The following ZNF493 variants were observed in gnomAD, a reference collection of about 807,000 sequenced individuals.
The protein encoded by ZNF493 is zinc finger protein 493.
A neutral mutation model predicts 12.2 loss-of-function variants in ZNF493; 11 were observed. That is an observed-to-expected ratio of 0.90 (90% confidence interval 0.57 to 1.50). The LOEUF (loss-of-function observed/expected upper bound fraction) is 1.50, where lower values mean the gene tolerates loss of function less well. Among genes scored for constraint, ZNF493 ranks in the 40% most tolerant of loss-of-function variants. The pLI, the probability that ZNF493 is intolerant of heterozygous loss-of-function variation, is 0.00. For missense variants in ZNF493, 950 were observed against 906.6 expected, an observed-to-expected ratio of 1.05 and a Z score of -0.61; for synonymous variants, 286 against 302.6, an observed-to-expected ratio of 0.95 and a Z score of 0.57.
intron 1 of ZNF493, among the ~76,000 whole-genome samples, chr19:21,399,378 T>C (rs1485867767): frequency 6.6e-6 from 1 of 151,928 alleles, no homozygotes; most frequent in Non-Finnish European, 1.5e-5. Context: ...GGCAGGCTGG[T>C]CTCAATCTCC....
Position 21,427,423 on chromosome 19 carries a change from A to G in ZNF493, c.*2439A>G, listed in dbSNP as rs902916550. On this transcript the variant is annotated 3_prime_UTR_variant, in exon 4 of 4. Transcript: ENST00000392288. ...CATCTAGCATTAGGTATATCTCCCA[A>G]TGCTATCCGTCCCCCCTCCCCCCAA... 2.0e-5 allele frequency: 3 copies of G among 152,656 alleles called. No homozygotes were observed. The highest frequency in any genetic ancestry group is 7.2e-5 in the African/African-American group (3 of 41,438). 9.5% of individuals were successfully genotyped at this position (152,656 alleles called of 1,614,324 possible).
intron 3 of ZNF493, among the ~76,000 whole-genome samples, chr19:21,417,170 G>A (rs1177103140): frequency 6.6e-6 from 1 of 152,116 alleles, no homozygotes. Flanking sequence ...TTACATTTTG[G>A]ACATATTTCA....
rs147423821 is a variant in ZNF493, at chr19:21,423,550, A to G, written c.891A>G (p.Gln297=). ...GAGAGAAACCCTATAAATGTGAACA[A>G]TATGGCAAAACTTTTAACCAATCTT... ...HTREKPYKCE[Q]YGKTFNQSST... Residue 297 remains glutamine (Q), a synonymous_variant, in exon 4 of 4, where the codon CAA becomes CAG. Transcript: ENST00000392288. The G allele has an allele frequency of 1.1e-5, 17 of 1,613,812 alleles. No homozygotes were observed. Among genetic ancestry groups the G allele is most frequent in the South Asian group, 9.9e-5 (9 of 91,078 alleles).
chr19:21,424,215 G>T lies in ZNF493; in HGVS notation c.1556G>T (p.Cys519Phe). The part of the protein sequence containing the change: ...IIHTGEKPYK[C>F]EECGKAFKRS... ...CATACTGGAGAAAAACCCTACAAAT[G>T]TGAAGAATGTGGCAAAGCTTTTAAA... is the stretch of plus-strand genomic sequence containing the variant. Residue 519 changes from cysteine (C) to phenylalanine (F), a missense_variant, in exon 4 of 4, where the codon TGT becomes TTT. Transcript: ENST00000392288. 1 of 1,612,552 alleles carries T rather than the reference G, an allele frequency of 6.2e-7. No homozygotes were observed. The highest frequency in any genetic ancestry group is 8.5e-7 in the Non-Finnish European group (1 of 1,178,988).
At chr19:21,398,622 G>T in intron 1 of ZNF493, 1 of 453,608 alleles carries the variant, frequency 2.2e-6, no homozygotes, top group Non-Finnish European at 4.5e-6. Flanking sequence ...ATGACCTGAG[G>T]TATGGAGTGT....
chr19:21,420,946 C>T (rs1406440226), intron 3 of ZNF493, among the ~76,000 whole-genome samples: 1 of 151,596 alleles, frequency 6.6e-6, no homozygotes, highest in Non-Finnish European at 1.5e-5. Flanking sequence ...ATGGGTTCCC[C>T]CATGTTGGTC....
At position 21,427,213 on chromosome 19, in the gene ZNF493, T is replaced by C. The variant is rs533512738; in HGVS notation, c.*2229T>C. On this transcript the variant is annotated 3_prime_UTR_variant, in exon 4 of 4. Transcript: ENST00000392288. ...GTGGTTAACTTATACTATTGAGTGA[T>C]GCACAAGGTAGGTGTTAAGAGTAAT... 6.0e-6 allele frequency: 1 copy of C among 167,218 alleles called. No homozygotes were observed. The highest frequency in any genetic ancestry group is 6.5e-5 in the Admixed American group (1 of 15,294). The allele number at this position is 167,218 out of a possible 1,614,324, so 10.4% of individuals were successfully genotyped here.
At chr19:21,410,502 C>G (rs983764935) in intron 3 of ZNF493, among the ~76,000 whole-genome samples, 1 of 151,894 alleles carries the variant, frequency 6.6e-6, no homozygotes, top group East Asian at 1.9e-4. Context: ...ATATGTGTAT[C>G]TTTTCTGATG....
intron 3 of ZNF493, among the ~76,000 whole-genome samples, chr19:21,410,060 G>GTATA (rs60038018): frequency 0.012 from 541 of 43,898 alleles, 4 homozygotes; most frequent in Admixed American, 0.038. Context: ...TTCATTGTGT[G>GTATA]TATATATATA....
rs181004494 is a variant in ZNF493 at position 21,413,718 on chromosome 19, A to G, written c.253+7862A>G. The G allele has an allele frequency of 8.2e-6, 3 of 365,300 alleles. No homozygotes were observed. In the East Asian group the frequency reaches 1.2e-4, roughly 15 times the overall value. 22.6% of individuals were successfully genotyped at this position (365,300 alleles called of 1,614,324 possible). ...GGAACACAAGCATAATCTCTACCCC[A>G]AGTTATTTTACCCATTTGCCAACTT... On this transcript the variant is annotated intron_variant, in intron 3 of 3. Transcript: ENST00000392288.
chr19:21,413,763 A>G (rs1320334613), intron 3 of ZNF493: 1 of 289,676 alleles, frequency 3.5e-6, no homozygotes, highest in African/African-American at 2.2e-5. Context: ...GGATCTCTCC[A>G]CCAAATCAGT....
chr19:21,408,577 A>T (rs1193990119), intron 3 of ZNF493: 1 of 985,126 alleles, frequency 1.0e-6, no homozygotes, highest in Non-Finnish European at 1.2e-6. Context: ...TAGTTAGACA[A>T]ATTCTTTTTT....
intron 3 of ZNF493, chr19:21,407,569 G>A (rs952122683): frequency 4.9e-5 from 47 of 950,008 alleles, no homozygotes; most frequent in Middle Eastern, 5.4e-4. Flanking sequence ...TATTACAGGC[G>A]TGAGCCACCA....
At chr19:21,415,342 A>C (rs967316960) in intron 3 of ZNF493, among the ~76,000 whole-genome samples, 4 of 152,148 alleles carry the variant, frequency 2.6e-5, no homozygotes, top group Non-Finnish European at 4.4e-5. Context: ...CAGATTACTC[A>C]TGGCATAGGT....
intron 3 of ZNF493, chr19:21,408,922 G>A (rs910805229): frequency 4.6e-5 from 31 of 676,110 alleles, no homozygotes; most frequent in Non-Finnish European, 5.2e-5. Context: ...TCGCTCTGTC[G>A]CCCAGGCTGG....
chr19:21,415,706 G>GT (rs2030468027), intron 3 of ZNF493, among the ~76,000 whole-genome samples: 1 of 152,162 alleles, frequency 6.6e-6, no homozygotes, highest in Non-Finnish European at 1.5e-5. Flanking sequence ...TTGTTGGACT[G>GT]TTTAACATGC....
rs766934918 is a variant in ZNF493 at position 21,420,655 on chromosome 19, T to TTTC, written c.254-2258_254-2257insTTC. Among the ~76,000 whole-genome samples, 177 of 46,478 alleles carry TTTC rather than the reference T, an allele frequency of 3.8e-3. 46 individuals are homozygous for TTTC. The highest frequency in any genetic ancestry group is 9.1e-3 in the East Asian group (11 of 1,208). The allele number at this position is 46,478 out of a possible 152,430, so 30.5% of individuals were successfully genotyped here. ...TTTTTTTTTTTTTTTTTTTTTTTTT[T>TTTC]CAGAACTTTGACTATATCACACAAT... is the stretch of plus-strand genomic sequence containing the variant. On this transcript the variant is annotated intron_variant, in intron 3 of 3. Transcript: ENST00000392288.
intron 3 of ZNF493, among the ~76,000 whole-genome samples, chr19:21,422,626 T>C (rs1489448818): frequency 6.6e-6 from 1 of 151,964 alleles, no homozygotes; most frequent in Non-Finnish European, 1.5e-5. Flanking sequence ...TTATGTTATA[T>C]TGGGAAGCAG....
chr19:21,405,193 C>T lies in ZNF493; in HGVS notation c.95C>T (p.Thr32Ile), dbSNP rs773407397. The T allele has an allele frequency of 6.2e-7, 1 of 1,614,074 alleles. No individual in the cohort carries two copies. Among genetic ancestry groups the T allele is most frequent in the South Asian group, 1.1e-5 (1 of 91,080 alleles). ...FSLEEWQCLD[T>I]AQQDLYRKVM... ...CTGGAGGAGTGGCAATGCCTGGACA[C>T]TGCTCAGCAGGATTTGTATAGGAAA... is the stretch of plus-strand genomic sequence containing the variant. The change falls in exon 2 of 4, where the codon ACT (threonine) becomes ATT (isoleucine). Residue 32 changes from threonine to isoleucine, a missense_variant. Thr to Ile is a moderately conservative substitution (Grantham distance 89, BLOSUM62 -1). Coordinates refer to ENST00000392288, the MANE Select transcript of ZNF493 (RefSeq NM_001076678.3).
Sources: gnomAD v4.1 joint callset for allele counts (sites outside exome capture counted in the v4.1 genomes callset) on GRCh38, gnomAD v4.1.1 for gene constraint, MANE v1.5 for transcripts, NCBI Gene and HGNC (gene_info 2026-07-23, HGNC 2026-07-21) for gene names.